STARD13: variants seen among roughly 807,000 people sequenced by gnomAD.
The protein encoded by STARD13 is StAR related lipid transfer domain containing 13.
A neutral mutation model predicts 106.4 loss-of-function variants in STARD13; 62 were observed. The ratio of observed to expected loss-of-function variants is 0.58; its 90% CI spans 0.48 to 0.72. The LOEUF is 0.72. STARD13 is among the 30% of genes least tolerant of loss of function. The probability of loss-of-function intolerance (pLI) is 0.00; values close to 1 mark genes in which losing one functional copy is unlikely to be tolerated. For synonymous variants in STARD13, 565 were observed against 553.0 expected (o/e 1.02, Z -0.31); for missense variants, 1,387 against 1,424.0 (o/e 0.97, Z 0.42).
the STARD13 span, among the ~76,000 whole-genome samples, chr13:33,557,938 GCATCGGAA>G: frequency 6.6e-6 from 1 of 152,162 alleles, no homozygotes; most frequent in Non-Finnish European, 1.5e-5. Flanking sequence ...CCTTTTCTGT[GCATCGGAA>G]CATTCTCAAG....
At chr13:33,255,123 A>G (rs1454896699) in intron 1 of STARD13, among the ~76,000 whole-genome samples, 3 of 150,434 alleles carry the variant, frequency 2.0e-5, no homozygotes, top group Non-Finnish European at 4.4e-5. Context: ...AGGCTTGATC[A>G]GGTTCAGAGA....
the STARD13 span, chr13:33,524,200 C>T: frequency 1.6e-6 from 2 of 1,224,508 alleles, no homozygotes; most frequent in Non-Finnish European, 2.1e-6. Context: ...GGGCAGGACA[C>T]TCACACCAGG....
chr13:33,626,197 C>T, the STARD13 span, among the ~76,000 whole-genome samples: 1,422 of 152,204 alleles, frequency 9.3e-3, 24 homozygotes, highest in African/African-American at 0.033. Context: ...ACAGCTGTGA[C>T]CCCTTCAAAG....
chr13:33,250,976 G>A (rs1399878600), intron 1 of STARD13, among the ~76,000 whole-genome samples: 1 of 152,178 alleles, frequency 6.6e-6, no homozygotes, highest in Non-Finnish European at 1.5e-5. Flanking sequence ...AAGCATAGAA[G>A]GAGGGGAGAA....
the STARD13 span, among the ~76,000 whole-genome samples, chr13:33,373,911 A>G: frequency 5.9e-5 from 9 of 152,196 alleles, no homozygotes; most frequent in Non-Finnish European, 2.9e-5. Flanking sequence ...ATGAATTGCC[A>G]TATGATCCAG....
At chr13:33,545,428 T>G in the STARD13 span, among the ~76,000 whole-genome samples, 13 of 152,274 alleles carry the variant, frequency 8.5e-5, 1 homozygote. Flanking sequence ...TATTTTAAAC[T>G]TTATTGTAAT....
chr13:33,429,324 T>C, the STARD13 span, among the ~76,000 whole-genome samples: 25 of 152,160 alleles, frequency 1.6e-4, no homozygotes, highest in East Asian at 2.7e-3. Context: ...GGGCCGGGCG[T>C]GGTGGCTCAC....
the STARD13 span, among the ~76,000 whole-genome samples, chr13:33,359,739 T>C: frequency 6.6e-6 from 1 of 152,320 alleles, no homozygotes; most frequent in East Asian, 1.9e-4. Flanking sequence ...CATAGTATAA[T>C]GGCCAAAGTT....
At chr13:33,488,124 T>C in the STARD13 span, among the ~76,000 whole-genome samples, 1 of 152,224 alleles carries the variant, frequency 6.6e-6, no homozygotes, top group Non-Finnish European at 1.5e-5. Context: ...CTCCCTTAAG[T>C]GTACATATTC....
chr13:33,414,032 C>CAAAAA, the STARD13 span, among the ~76,000 whole-genome samples: 16 of 47,740 alleles, frequency 3.4e-4, no homozygotes, highest in Non-Finnish European at 4.5e-4. Context: ...GATTCCCTCT[C>CAAAAA]AAAAAAAAAA....
the STARD13 span, among the ~76,000 whole-genome samples, chr13:33,499,986 T>C: frequency 6.6e-6 from 1 of 151,898 alleles, no homozygotes; most frequent in Non-Finnish European, 1.5e-5. Context: ...ACTCCTGGCC[T>C]AAAGCAATCC....
chr13:33,140,136 A>G (rs1485045370), intron 4 of STARD13, among the ~76,000 whole-genome samples: 1 of 152,262 alleles, frequency 6.6e-6, no homozygotes, highest in African/African-American at 2.4e-5. Context: ...CAAAGAGCCA[A>G]ACAAATGTTA....
At chr13:33,212,684 G>A (rs374770462) in intron 1 of STARD13, among the ~76,000 whole-genome samples, 4 of 152,118 alleles carry the variant, frequency 2.6e-5, no homozygotes, top group Admixed American at 6.5e-5. Context: ...AATTTCACTC[G>A]CAAGCATTCC....
chr13:33,645,266 T>C, the STARD13 span, among the ~76,000 whole-genome samples: 4 of 152,186 alleles, frequency 2.6e-5, no homozygotes, highest in Admixed American at 2.6e-4. Flanking sequence ...AGGCCTTGCT[T>C]AGCCTTCTTG....
At chr13:33,152,142 C>G (rs184983696) in intron 3 of STARD13, among the ~76,000 whole-genome samples, 2 of 152,172 alleles carry the variant, frequency 1.3e-5, no homozygotes, top group East Asian at 3.9e-4. Context: ...TAAAGTCAAT[C>G]ATCCAGGGGA....
At chr13:33,453,911 A>G in the STARD13 span, among the ~76,000 whole-genome samples, 1 of 152,364 alleles carries the variant, frequency 6.6e-6, no homozygotes, top group South Asian at 2.1e-4. Flanking sequence ...AAAGGTACAT[A>G]GCAGAAAGAA....
chr13:33,591,476 T>C, the STARD13 span, among the ~76,000 whole-genome samples: 2 of 152,226 alleles, frequency 1.3e-5, no homozygotes, highest in African/African-American at 4.8e-5. Flanking sequence ...CCCCAGATTA[T>C]GCACAAGAAA....
At chr13:33,453,709 A>G in the STARD13 span, among the ~76,000 whole-genome samples, 129 of 152,344 alleles carry the variant, frequency 8.5e-4, 1 homozygote, top group Admixed American at 3.7e-3. Flanking sequence ...GACAAAACAC[A>G]TTGCTGCATG....
the STARD13 span, among the ~76,000 whole-genome samples, chr13:33,528,139 A>G: frequency 6.8e-6 from 1 of 147,944 alleles, no homozygotes; most frequent in African/African-American, 2.5e-5. Context: ...GTTTAAACAC[A>G]TATCAAAGTT....
Sources: gnomAD v4.1 joint callset for allele counts (sites outside exome capture counted in the v4.1 genomes callset) on GRCh38, gnomAD v4.1.1 for gene constraint, MANE v1.5 for transcripts, NCBI Gene and HGNC (gene_info 2026-07-23, HGNC 2026-07-21) for gene names.